Variants in APP observed in about 807,000 individuals in gnomAD.
APP encodes amyloid beta precursor protein, also known as amyloid-beta precursor protein.
Under a neutral mutation model 101.4 loss-of-function variants are expected in APP, and 31 were observed. The observed-to-expected ratio is 0.31, with a 90% confidence interval of 0.23 to 0.41. APP has a LOEUF of 0.41. APP is among the 10% of genes least tolerant of loss of function. The probability of loss-of-function intolerance (pLI) is 1.00; values close to 1 mark genes in which losing one functional copy is unlikely to be tolerated. For missense variants in APP, 839 were observed against 1,003.7 expected, an observed-to-expected ratio of 0.84 and a Z score of 2.22; for synonymous variants, 366 against 364.4, an observed-to-expected ratio of 1.00 and a Z score of -0.05.
intron 1 of APP, among the ~76,000 whole-genome samples, chr21:26,167,922 C>T (rs1244160651): frequency 6.6e-6 from 1 of 152,146 alleles, no homozygotes; most frequent in African/African-American, 2.4e-5. Context: ...TACAGATCAC[C>T]ATCAAACCTG....
rs538852558 is a variant in APP at position 26,018,524 on chromosome 21, C to T, written c.865+3316G>A. 5.9e-5 allele frequency among the ~76,000 whole-genome samples: 9 copies of T among 152,334 alleles called. No individual in the cohort carries two copies. In the East Asian group the frequency reaches 1.3e-3, roughly 23 times the overall value. ...GACTCTTTGCAGCTGACCCCTTTAA[C>T]GTTACCCTCTAAAACATCTACTTCT... On this transcript the variant is annotated intron_variant, in intron 6 of 17. Coordinates refer to ENST00000346798, the MANE Select transcript of APP (RefSeq NM_000484.4).
chr21:25,910,314 T>C (rs531700817), intron 14 of APP, among the ~76,000 whole-genome samples: 82 of 152,158 alleles, frequency 5.4e-4, no homozygotes, highest in African/African-American at 1.7e-3. Flanking sequence ...GTATTTTTAG[T>C]ACAGACGGGG....
intron 15 of APP, among the ~76,000 whole-genome samples, chr21:25,903,398 T>G (rs1374095872): frequency 6.6e-6 from 1 of 151,144 alleles, no homozygotes; most frequent in Non-Finnish European, 1.5e-5. Context: ...CAAAAAACAA[T>G]TTTTTTAAAA....
intron 15 of APP, among the ~76,000 whole-genome samples, chr21:25,901,295 T>TCAA (rs1254373475): frequency 2.0e-4 from 15 of 75,292 alleles, no homozygotes; most frequent in East Asian, 6.0e-4. Flanking sequence ...AAATCCTGTT[T>TCAA]TAAAAAAAAA....
At chr21:26,121,464 T>C (rs187914111) in intron 1 of APP, among the ~76,000 whole-genome samples, 15 of 152,156 alleles carry the variant, frequency 9.9e-5, no homozygotes, top group Middle Eastern at 3.4e-3. Context: ...CTCAGCTCAC[T>C]GCAACCTCCA....
intron 1 of APP, among the ~76,000 whole-genome samples, chr21:26,141,111 T>A (rs781060675): frequency 8.5e-5 from 13 of 152,212 alleles, no homozygotes; most frequent in Admixed American, 4.6e-4. Context: ...ACATGACGCC[T>A]GGCACCTAGT....
chr21:26,033,353 ATG>A (rs2044930811), intron 5 of APP, among the ~76,000 whole-genome samples: 1 of 152,104 alleles, frequency 6.6e-6, no homozygotes, highest in Non-Finnish European at 1.5e-5. Context: ...ATGAAGAAGG[ATG>A]TGTTTGCTTC....
intron 3 of APP, among the ~76,000 whole-genome samples, chr21:26,065,132 G>A (rs2046409305): frequency 6.6e-6 from 1 of 152,158 alleles, no homozygotes; most frequent in South Asian, 2.1e-4. Flanking sequence ...GGGATTACAG[G>A]CACCGGCCAC....
At chr21:25,886,399 ATTTTT>A (rs113643516) in intron 17 of APP, among the ~76,000 whole-genome samples, 7 of 143,964 alleles carry the variant, frequency 4.9e-5, no homozygotes. Context: ...TCCCTTCATA[ATTTTT>A]TTTTTTTTTA....
At chr21:25,917,113 T>C (rs2039388676) in intron 13 of APP, among the ~76,000 whole-genome samples, 1 of 151,984 alleles carries the variant, frequency 6.6e-6, no homozygotes, top group South Asian at 2.1e-4. Context: ...ATACAAAAAT[T>C]AGCCGTGCAT....
At chr21:25,917,611 A>G (rs776891424) in intron 13 of APP, among the ~76,000 whole-genome samples, 9 of 152,252 alleles carry the variant, frequency 5.9e-5, no homozygotes, top group Non-Finnish European at 8.8e-5. Context: ...TAAATCAATC[A>G]GTTATGTGTT....
intron 3 of APP, among the ~76,000 whole-genome samples, chr21:26,074,523 G>A (rs973939156): frequency 4.0e-4 from 61 of 152,316 alleles, no homozygotes; most frequent in Non-Finnish European, 6.9e-4. Context: ...GGCCGAGGCG[G>A]GCAGATCTGT....
chr21:25,924,481 G>A (rs1445521441), intron 13 of APP, among the ~76,000 whole-genome samples: 1 of 135,208 alleles, frequency 7.4e-6, no homozygotes, highest in Non-Finnish European at 1.6e-5. Flanking sequence ...GATGAAGCTG[G>A]AGGCCATCAT....
At chr21:25,891,177 C>T (rs2037672581) in intron 17 of APP, among the ~76,000 whole-genome samples, 2 of 152,090 alleles carry the variant, frequency 1.3e-5, no homozygotes, top group Non-Finnish European at 2.9e-5. Context: ...AAATAACAAT[C>T]ATGTATGTTT....
intron 3 of APP, among the ~76,000 whole-genome samples, chr21:26,084,401 C>T (rs1195236949): frequency 6.6e-6 from 1 of 151,828 alleles, no homozygotes; most frequent in Non-Finnish European, 1.5e-5. Flanking sequence ...CCACGCCTGG[C>T]TAATTTTTTT....
chr21:26,058,499 G>A (rs750029118), intron 3 of APP, among the ~76,000 whole-genome samples: 1 of 152,166 alleles, frequency 6.6e-6, no homozygotes, highest in Non-Finnish European at 1.5e-5. Context: ...TATATTTTTC[G>A]ATTTCTTTAT....
At chr21:26,058,203 G>A (rs45562431) in intron 3 of APP, among the ~76,000 whole-genome samples, 10 of 152,332 alleles carry the variant, frequency 6.6e-5, no homozygotes, top group African/African-American at 2.4e-4. Context: ...ACAGAAGGCA[G>A]GAGAAACAAG....
intron 16 of APP, among the ~76,000 whole-genome samples, chr21:25,893,061 ATTAT>A (rs954638587): frequency 1.3e-5 from 2 of 152,152 alleles, no homozygotes; most frequent in African/African-American, 2.4e-5. Context: ...CATTTTGGTA[ATTAT>A]TTAAATATTC....
At chr21:26,045,108 A>C (rs540558982) in intron 5 of APP, among the ~76,000 whole-genome samples, 50 of 152,326 alleles carry the variant, frequency 3.3e-4, no homozygotes, top group African/African-American at 1.1e-3. Context: ...GCAGAAAAAA[A>C]GGGGGAAAAA....
Sources: allele counts gnomAD v4.1 joint callset (sites outside exome capture counted in the v4.1 genomes callset), GRCh38; gene constraint gnomAD v4.1.1; transcripts MANE v1.5; gene names NCBI Gene and HGNC (gene_info 2026-07-23, HGNC 2026-07-21).